GALK1: variants seen among roughly 807,000 people sequenced by gnomAD.
GALK1 encodes galactokinase.
In GALK1, 30 loss-of-function variants were observed where a neutral mutation model predicts 38.6. The observed-to-expected ratio is 0.78, with a 90% CI of 0.58 to 1.05. The LOEUF is 1.05. Ranked by LOEUF, GALK1 falls within the 50% of genes least tolerant of loss-of-function variation. The pLI is 0.00. For missense variants in GALK1, 512 were observed against 540.5 expected (o/e 0.95, Z 0.52); for synonymous variants, 240 against 233.6 (o/e 1.03, Z -0.25).
Position 75,763,952 on chromosome 17 carries a change from C to T in GALK1, c.300G>A (p.Glu100=), listed in dbSNP as rs776426036. The change falls in exon 2 of 8, where the codon GAG becomes GAA. Residue 100 remains glutamate (E), a synonymous_variant. Coordinates refer to ENST00000588479, the MANE Select transcript of GALK1 (RefSeq NM_000154.2). ...AGTTGGCCCACCGAGGAGTCCCAGG[C>T]TCCAGCGAGCGCTGGGCTGTGGGCA... The part of the protein sequence containing the change: ...FPLPTAQRSL[E]PGTPRWANYV... 35 of 1,613,510 alleles carry T rather than the reference C, an allele frequency of 2.2e-5. 2 individuals are homozygous for T. The South Asian group carries it at 3.7e-4, about 17-fold the overall frequency.
At position 75,763,094 on chromosome 17, in the gene GALK1, G is replaced by A. The variant is rs147739431; in HGVS notation, c.531C>T (p.Phe177=). Residue 177 remains phenylalanine, a synonymous_variant, in exon 4 of 8, where the codon TTC becomes TTT. Transcript: ENST00000588479. ...AQVCQQAEHS[F]AGMPCGIMDQ... ...CCATGATGCCACAGGGCATCCCTGC[G>A]AAGCTGTGCTCGGCCTGCTGACACA... The A allele has an allele frequency of 1.5e-5, 24 of 1,612,576 alleles. No homozygotes were observed. Among genetic ancestry groups the A allele is most frequent in the East Asian group, 1.1e-4 (5 of 44,894 alleles).
downstream of GALK1, chr17:75,757,519 T>A: frequency 6.2e-7 from 1 of 1,613,398 alleles, no homozygotes; most frequent in Non-Finnish European, 8.5e-7. Context: ...GCGGAACCCT[T>A]AGCACCCACA....
chr17:75,752,679 A>G (rs2061396734), intron 8 of GALK1: 1 of 1,471,546 alleles, frequency 6.8e-7, no homozygotes, highest in Non-Finnish European at 9.4e-7. Flanking sequence ...ACTAGAGGAC[A>G]TGGAGGTTAA....
downstream of GALK1, chr17:75,755,679 G>A: frequency 6.2e-7 from 1 of 1,612,400 alleles, no homozygotes; most frequent in Non-Finnish European, 8.5e-7. Context: ...ATCTCTGGCT[G>A]ACTGCGGCCT....
chr17:75,757,020 C>T, downstream of GALK1: 1 of 1,612,508 alleles, frequency 6.2e-7, no homozygotes, highest in Non-Finnish European at 8.5e-7. Flanking sequence ...CGAGAACGTG[C>T]CCTACAAGTT....
rs1454889751 is a variant in GALK1 at position 75,763,018 on chromosome 17, A to C, written c.607T>G (p.Cys203Gly). The C allele has an allele frequency of 6.8e-6, 11 of 1,612,944 alleles. No homozygotes were observed. The highest frequency in any genetic ancestry group is 9.3e-6 in the Non-Finnish European group (11 of 1,180,006). ...GACGAGGGGAGCGAGCCCAACCTGC[A>C]GTCAATGAGCAGCGCGTGGCCTTTC... ...GQKGHALLID[C>G]RSLETSLVPL... Residue 203 changes from cysteine (C) to glycine (G), a missense_variant, in exon 4 of 8, where the codon TGC (cysteine) becomes GGC (glycine). By Grantham distance (159) the Cys-to-Gly change is radical. Transcript: ENST00000588479.
intron 8 of GALK1, chr17:75,752,600 C>G (rs2061394400): frequency 6.2e-7 from 1 of 1,613,006 alleles, no homozygotes; most frequent in Non-Finnish European, 8.5e-7. Context: ...CTGGGACCCA[C>G]AAGAGGACAG....
chr17:75,759,869 G>A (rs991580361), intron 5 of GALK1, among the ~76,000 whole-genome samples: 2 of 152,178 alleles, frequency 1.3e-5, no homozygotes, highest in Non-Finnish European at 2.9e-5. Flanking sequence ...AGCACGGCCA[G>A]CCAGTCAAGA....
chr17:75,756,316 C>A, downstream of GALK1: 1 of 1,163,480 alleles, frequency 8.6e-7, no homozygotes, highest in Non-Finnish European at 1.3e-6. Context: ...CAAACCACAG[C>A]TAGTCCTGGG....
At chr17:75,763,808 C>T in intron 2 of GALK1, 89 bp downstream of exon 2, 1 of 1,251,046 alleles carries the variant, frequency 8.0e-7, no homozygotes, top group Non-Finnish European at 1.1e-6. Context: ...GCCTTCCCCA[C>T]AGTGTATCAG....
chr17:75,758,412 T>C, intron 6 of GALK1, 37 bp downstream of exon 6: 4 of 1,577,882 alleles, frequency 2.5e-6, no homozygotes, highest in Non-Finnish European at 3.4e-6. Context: ...TGGGCCGGCC[T>C]GTGCCCGGCA....
downstream of GALK1, chr17:75,755,558 GGTGTTGCAGGGTGAGT>G: frequency 9.7e-7 from 1 of 1,031,720 alleles, no homozygotes. Context: ...GCCTGGACAG[GGTGTTGCAGGGTGAGT>G]GAGTTGTCCA....
downstream of GALK1, chr17:75,753,730 C>G (rs7223816): frequency 2.5e-3 from 3,403 of 1,350,658 alleles, 72 homozygotes; most frequent in African/African-American, 0.045. Context: ...CGGCGCCCCC[C>G]GGCGGTGCCA....
downstream of GALK1, chr17:75,755,282 G>C: frequency 1.3e-6 from 2 of 1,511,282 alleles, no homozygotes; most frequent in Non-Finnish European, 1.8e-6. Context: ...CACCATAGCA[G>C]CCGCCAGCTG....
chr17:75,765,039 G>C lies in GALK1; in HGVS notation c.98C>G (p.Ser33Ter), dbSNP rs756290185. The C allele has an allele frequency of 6.2e-7, 1 of 1,608,950 alleles. No homozygotes were observed. Among genetic ancestry groups the C allele is most frequent in the Non-Finnish European group, 8.5e-7 (1 of 1,178,214 alleles). The change falls in exon 1 of 8, where the codon TCA becomes TGA. Residue 33 changes from serine (S) to a stop codon, truncating the protein, a stop_gained. Coordinates refer to ENST00000588479, the MANE Select transcript of GALK1 (RefSeq NM_000154.2). LOFTEE classifies it high-confidence loss of function. ...GATGAGGTTGACGCGGCCCGGCGCT[G>C]ACACGGCCAGCTCGGGCTCGGCCCC... The part of the protein sequence containing the change: ...EFGAEPELAV[S>*]APGRVNLIGE...
chr17:75,755,329 C>A, downstream of GALK1: 2 of 1,136,952 alleles, frequency 1.8e-6, no homozygotes, highest in Admixed American at 2.5e-5. Flanking sequence ...CCACAGGACC[C>A]CCGCCTGCCC....
At position 75,758,198 on chromosome 17, in the gene GALK1, G is replaced by A. The variant is rs369493085; in HGVS notation, c.1107+12C>T. On this transcript the variant is annotated intron_variant, in intron 7 of 7. Coordinates refer to ENST00000588479, the MANE Select transcript of GALK1 (RefSeq NM_000154.2). ...GCCGCTCCTGCCCGCCCAGGCCCTG[G>A]TGCCCGCCCACCTGGATGTGCCGCA... 5 of 1,608,302 alleles carry A rather than the reference G, an allele frequency of 3.1e-6. No individual in the cohort carries two copies. The highest frequency in any genetic ancestry group is 4.2e-6 in the Non-Finnish European group (5 of 1,178,190).
At position 75,762,175 on chromosome 17, in the gene GALK1, C is replaced by T. The variant is rs1028999990; in HGVS notation, c.793+529G>A. On this transcript the variant is annotated intron_variant, in intron 5 of 7. Transcript: ENST00000588479. ...CGTCTTTACAAAGATAAAAATTAGCCGGGCATGGTGGCACACCTGTAATCT... is the reference window on the plus strand; with the variant it reads ...CGTCTTTACAAAGATAAAAATTAGCTGGGCATGGTGGCACACCTGTAATCT... 3.9e-5 allele frequency among the ~76,000 whole-genome samples: 6 copies of T among 152,132 alleles called. No individual in the cohort carries two copies. In the South Asian group the frequency reaches 8.3e-4, roughly 21 times the overall value.
At chr17:75,758,409 G>A in intron 6 of GALK1, 37 bp from the exon 7 acceptor site, 1 of 1,577,968 alleles carries the variant, frequency 6.3e-7, no homozygotes. Context: ...GCCTGGGCCG[G>A]CCTGTGCCCG....
Sources: allele counts gnomAD v4.1 joint callset (sites outside exome capture counted in the v4.1 genomes callset), GRCh38; gene constraint gnomAD v4.1.1; transcripts MANE v1.5; gene names NCBI Gene and HGNC (gene_info 2026-07-23, HGNC 2026-07-21).